NKX2-2: variants seen among roughly 807,000 people sequenced by gnomAD.
The protein encoded by NKX2-2 is homeobox protein Nkx-2.2.
A neutral mutation model predicts 24.6 loss-of-function variants in NKX2-2; 8 were observed. The observed-to-expected ratio is 0.32, with a 90% CI of 0.19 to 0.59. NKX2-2 has a LOEUF of 0.59. Ranked by LOEUF, NKX2-2 falls within the 20% of genes least tolerant of loss-of-function variation. The pLI is 0.86. For missense variants in NKX2-2, 381 were observed against 373.9 expected (o/e 1.02, Z -0.16); for synonymous variants, 217 against 173.3 (o/e 1.25, Z -1.98).
upstream of NKX2-2, among the ~76,000 whole-genome samples, chr20:21,518,881 CCT>C (rs1264672603): frequency 6.6e-6 from 1 of 152,214 alleles, no homozygotes; most frequent in African/African-American, 2.4e-5. Context: ...GGCATCCGAC[CCT>C]CCCCCCATCC....
In NKX2-2 at chr20:21,513,599, T is replaced by G; in HGVS notation, c.71A>C (p.Glu24Ala). The G allele has an allele frequency of 6.2e-7, 1 of 1,613,212 alleles. No individual in the cohort carries two copies. Among genetic ancestry groups the G allele is most frequent in the Non-Finnish European group, 8.5e-7 (1 of 1,179,592 alleles). The change falls in exon 1 of 2, where the codon GAG becomes GCG. Residue 24 changes from glutamate to alanine, a missense_variant. This residue lies in a region of NKX2-2 where 206 missense variants were observed against 173.1 expected (regional missense o/e 1.19). Coordinates refer to ENST00000377142, the MANE Select transcript of NKX2-2 (RefSeq NM_002509.4). This position sits in a 1 kb window ranked among gnomAD's most constrained non-coding sequence, Gnocchi z 4.6. Reference protein sequence around the residue: ...DILDLPDTNDEEGSVAEGPEE... With the variant: ...DILDLPDTNDAEGSVAEGPEE... ...CGGACCTTCGGCCACAGAGCCCTCC[T>G]CATCGTTGGTGTCCGGCAGGTCTAA...
upstream of NKX2-2, among the ~76,000 whole-genome samples, chr20:21,514,374 C>T (rs928605728): frequency 1.3e-5 from 2 of 150,426 alleles, no homozygotes; most frequent in African/African-American, 2.4e-5. Context: ...TGTAACGTGT[C>T]AATTAATTGC....
chr20:21,517,061 T>C (rs1180861709), upstream of NKX2-2, among the ~76,000 whole-genome samples: 1 of 152,186 alleles, frequency 6.6e-6, no homozygotes, highest in East Asian at 1.9e-4. Flanking sequence ...GAATCCTGGC[T>C]CCTGGAATTA....
intron 1 of NKX2-2, among the ~76,000 whole-genome samples, chr20:21,512,823 CG>C (rs1267679720): frequency 6.6e-6 from 1 of 152,176 alleles, no homozygotes; most frequent in Non-Finnish European, 1.5e-5. Flanking sequence ...TCCGGCGAGA[CG>C]TGGGCAGATT....
At chr20:21,521,547 G>T in the NKX2-2 span, among the ~76,000 whole-genome samples, 1 of 152,180 alleles carries the variant, frequency 6.6e-6, no homozygotes, top group Non-Finnish European at 1.5e-5. Context: ...TTGCCCTCGT[G>T]CTCATCACCA....
At chr20:21,520,483 G>C in the NKX2-2 span, among the ~76,000 whole-genome samples, 1 of 152,182 alleles carries the variant, frequency 6.6e-6, no homozygotes, top group Admixed American at 6.5e-5. Flanking sequence ...CATATGTTAG[G>C]ACTTTGATAA....
chr20:21,514,778 G>T (rs1303549667), upstream of NKX2-2, among the ~76,000 whole-genome samples: 1 of 152,228 alleles, frequency 6.6e-6, no homozygotes, highest in Non-Finnish European at 1.5e-5. Flanking sequence ...CAATATTTTG[G>T]TTGAGGCTTA....
At chr20:21,517,196 T>A (rs187392506), upstream of NKX2-2, among the ~76,000 whole-genome samples, 1 of 152,334 alleles carries the variant, frequency 6.6e-6, no homozygotes, top group Non-Finnish European at 1.5e-5. Flanking sequence ...CTTCTGGGTC[T>A]CAGCTTGCGG....
At position 21,512,303 on chromosome 20, in the gene NKX2-2, G is replaced by T. The variant is rs1980466271; in HGVS notation, c.442C>A (p.Arg148=). The T allele has an allele frequency of 1.2e-6, 2 of 1,613,596 alleles. No individual in the cohort carries two copies. The highest frequency in any genetic ancestry group is 1.7e-6 in the Non-Finnish European group (2 of 1,179,902). ...GGCGCCGACAGGTACCGCTGCTGCCGAAAGCGCCGCTCCAGCTCGTAGGTC... is the reference window on the plus strand; with the variant it reads ...GGCGCCGACAGGTACCGCTGCTGCCTAAAGCGCCGCTCCAGCTCGTAGGTC... The part of the protein sequence containing the change: ...AQTYELERRF[R]QQRYLSAPER... The change falls in exon 2 of 2, where the codon CGG becomes AGG. Residue 148 remains arginine (R), a synonymous_variant. Coordinates refer to ENST00000377142, the MANE Select transcript of NKX2-2 (RefSeq NM_002509.4).
upstream of NKX2-2, among the ~76,000 whole-genome samples, chr20:21,517,228 G>A (rs901121706): frequency 2.6e-5 from 4 of 152,190 alleles, no homozygotes; most frequent in Non-Finnish European, 4.4e-5. Flanking sequence ...CGGAGCACCT[G>A]AGGCGCCCAC....
chr20:21,515,278 T>G (rs1024728845), upstream of NKX2-2, among the ~76,000 whole-genome samples: 35 of 49,480 alleles, frequency 7.1e-4, no homozygotes, highest in Admixed American at 8.7e-4. Context: ...GGGGTGGGGG[T>G]GGGGGTTGTG....
chr20:21,516,853 CGT>C (rs1411606990), upstream of NKX2-2, among the ~76,000 whole-genome samples: 2 of 152,242 alleles, frequency 1.3e-5, no homozygotes, highest in Non-Finnish European at 2.9e-5. Flanking sequence ...CCTCCCAAAG[CGT>C]GTTCATTTCT....
chr20:21,512,115 C>G lies in NKX2-2; in HGVS notation c.630G>C (p.Arg210Ser). ...TGAGCGCGTGACATGGTTTGCCGTC[C>G]CTGACCAAGACGGGCACGGCCACCC... is the stretch of plus-strand genomic sequence containing the variant. ...PRRVAVPVLV[R>S]DGKPCHALKA... The change falls in exon 2 of 2, where the codon AGG (arginine) becomes AGC (serine). Residue 210 changes from arginine to serine, a missense_variant. Around this residue, in one of 3 missense-constraint regions of NKX2-2, gnomAD observed 139 missense variants for 121.7 expected, o/e 1.14. Coordinates refer to ENST00000377142, the MANE Select transcript of NKX2-2 (RefSeq NM_002509.4). 6.2e-7 allele frequency: 1 copy of G among 1,613,794 alleles called. No homozygotes were observed. The highest frequency in any genetic ancestry group is 2.2e-5 in the East Asian group (1 of 44,870).
upstream of NKX2-2, among the ~76,000 whole-genome samples, chr20:21,519,018 G>C (rs1303917456): frequency 6.6e-6 from 1 of 152,152 alleles, no homozygotes; most frequent in Admixed American, 6.5e-5. Flanking sequence ...GAAAGTCTTC[G>C]GGGGTAGGGG....
chr20:21,517,127 T>C (rs1351683741), upstream of NKX2-2, among the ~76,000 whole-genome samples: 1 of 152,180 alleles, frequency 6.6e-6, no homozygotes, highest in Non-Finnish European at 1.5e-5. Context: ...CTCAGCCCAG[T>C]TCTCAAAGGT....
At position 21,512,126 on chromosome 20, in the gene NKX2-2, C is replaced by T. The variant is rs1387867881; in HGVS notation, c.619G>A (p.Val207Ile). The T allele has an allele frequency of 3.7e-6, 6 of 1,613,704 alleles. No homozygotes were observed. The highest frequency in any genetic ancestry group is 5.1e-6 in the Non-Finnish European group (6 of 1,179,880). ...CATGGTTTGCCGTCCCTGACCAAGACGGGCACGGCCACCCGGCGCGGCGAG... is the reference window on the plus strand; with the variant it reads ...CATGGTTTGCCGTCCCTGACCAAGATGGGCACGGCCACCCGGCGCGGCGAG... ...LPSPRRVAVP[V>I]LVRDGKPCHA... Residue 207 changes from valine (V) to isoleucine (I), a missense_variant, in exon 2 of 2, where the codon GTC becomes ATC. Around this residue, in one of 3 missense-constraint regions of NKX2-2, gnomAD observed 139 missense variants for 121.7 expected, o/e 1.14. Coordinates refer to ENST00000377142, the MANE Select transcript of NKX2-2 (RefSeq NM_002509.4).
the NKX2-2 span, among the ~76,000 whole-genome samples, chr20:21,519,700 G>A: frequency 3.9e-5 from 6 of 152,212 alleles, no homozygotes; most frequent in African/African-American, 1.4e-4. Flanking sequence ...GTACTACCCC[G>A]TGCTGGGACC....
At chr20:21,512,538 C>A in intron 1 of NKX2-2, 53 bp from the exon 2 acceptor site, 1 of 1,357,310 alleles carries the variant, frequency 7.4e-7, no homozygotes, top group South Asian at 1.4e-5. Context: ...CCGCGCGCAG[C>A]CTGCACCAGA....
chr20:21,517,396 C>T (rs1980666469), upstream of NKX2-2, among the ~76,000 whole-genome samples: 1 of 152,210 alleles, frequency 6.6e-6, no homozygotes, highest in Non-Finnish European at 1.5e-5. Flanking sequence ...GCGATCGGTG[C>T]TTCCGGGTCC....
Sources: allele counts gnomAD v4.1 joint callset (sites outside exome capture counted in the v4.1 genomes callset), GRCh38; gene constraint gnomAD v4.1.1; regional missense constraint gnomAD v4.1.1; non-coding constraint Gnocchi (gnomAD v3.1); transcripts MANE v1.5; gene names NCBI Gene and HGNC (gene_info 2026-07-23, HGNC 2026-07-21).